CDH4: variants seen among roughly 807,000 people sequenced by gnomAD.
CDH4 encodes the protein cadherin-4.
A neutral mutation model predicts 86.0 loss-of-function variants in CDH4; 33 were observed. That is an observed-to-expected ratio of 0.38 (90% CI 0.29 to 0.51). The LOEUF (loss-of-function observed/expected upper bound fraction) is 0.51. CDH4 is among the 20% of genes least tolerant of loss of function. The pLI, the probability that CDH4 is intolerant of heterozygous loss-of-function variation, is 0.86. For missense variants in CDH4, 1,114 were observed against 1,307.4 expected (o/e 0.85, Z 2.28); for synonymous variants, 555 against 549.4 (o/e 1.01, Z -0.14).
rs1476412936 is a variant in CDH4, at chr20:61,862,411, C to G, written c.877+9513C>G. Among the ~76,000 whole-genome samples, 3 of 152,202 alleles carry G rather than the reference C, an allele frequency of 2.0e-5. No homozygotes were observed. The East Asian group carries it at 5.8e-4, about 29-fold the overall frequency. On this transcript the variant is annotated intron_variant, in intron 6 of 15. Transcript: ENST00000614565. Reference sequence around the variant, plus strand: ...AGGTGGACTCATTCTGCAAGATGGGCAGGAGTCCATGAGGACCTCCTTGGC... The same window carrying G: ...AGGTGGACTCATTCTGCAAGATGGGGAGGAGTCCATGAGGACCTCCTTGGC...
chr20:61,654,869 G>C (rs980041843), intron 2 of CDH4, among the ~76,000 whole-genome samples: 1 of 152,104 alleles, frequency 6.6e-6, no homozygotes, highest in African/African-American at 2.4e-5. Flanking sequence ...AGGGCCAGCT[G>C]CTCCTCTGAG....
chr20:61,618,501 G>A (rs1026855917), intron 2 of CDH4, among the ~76,000 whole-genome samples: 9 of 152,168 alleles, frequency 5.9e-5, no homozygotes, highest in African/African-American at 1.2e-4. Context: ...GGGCAGGAGC[G>A]GGCCCTTCCA....
chr20:61,473,245 A>G (rs1292104281), intron 2 of CDH4, among the ~76,000 whole-genome samples: 1 of 152,238 alleles, frequency 6.6e-6, no homozygotes, highest in African/African-American at 2.4e-5. Flanking sequence ...AGAAATTATG[A>G]GTATTCCTCA....
At chr20:61,869,453 C>T (rs1321087988) in intron 6 of CDH4, among the ~76,000 whole-genome samples, 1 of 152,230 alleles carries the variant, frequency 6.6e-6, no homozygotes, top group Non-Finnish European at 1.5e-5. Context: ...AAAGTGTCTG[C>T]TGGACCCTGG....
At chr20:61,528,886 G>T (rs1231078663) in intron 2 of CDH4, among the ~76,000 whole-genome samples, 3 of 148,578 alleles carry the variant, frequency 2.0e-5, no homozygotes, top group Non-Finnish European at 4.5e-5. Context: ...CACCGCCCTT[G>T]TCCCTTATTA....
At chr20:61,771,145 G>C (rs958671808) in intron 3 of CDH4, among the ~76,000 whole-genome samples, 1 of 151,000 alleles carries the variant, frequency 6.6e-6, no homozygotes, top group Non-Finnish European at 1.5e-5. Context: ...TAAGTAACTG[G>C]GACTACAGGC....
At chr20:61,722,010 A>G (rs555450784) in intron 2 of CDH4, among the ~76,000 whole-genome samples, 2 of 152,060 alleles carry the variant, frequency 1.3e-5, no homozygotes, top group East Asian at 1.9e-4. Flanking sequence ...AAACCTCACA[A>G]CCTCCACCTT....
At chr20:61,580,376 C>T (rs1021609558) in intron 2 of CDH4, among the ~76,000 whole-genome samples, 1 of 152,028 alleles carries the variant, frequency 6.6e-6, no homozygotes, top group Non-Finnish European at 1.5e-5. Context: ...AATTGCTGGC[C>T]ACCCGGGAGG....
chr20:61,344,877 G>C (rs2084668908), intron 2 of CDH4, among the ~76,000 whole-genome samples: 3 of 152,176 alleles, frequency 2.0e-5, no homozygotes, highest in Non-Finnish European at 4.4e-5. Flanking sequence ...CAGAATTATA[G>C]AACACTTCCT....
At chr20:61,761,707 A>G (rs2088634851) in intron 3 of CDH4, among the ~76,000 whole-genome samples, 1 of 152,136 alleles carries the variant, frequency 6.6e-6, no homozygotes, top group Admixed American at 6.6e-5. Context: ...CAGAGGGGTG[A>G]GCGCGGATTT....
chr20:61,660,419 G>A (rs562939532), intron 2 of CDH4, among the ~76,000 whole-genome samples: 13 of 152,330 alleles, frequency 8.5e-5, no homozygotes, highest in African/African-American at 2.6e-4. Flanking sequence ...AAAATGCCTC[G>A]AAGTGTTCAT....
At chr20:61,546,369 TA>T (rs1300137550) in intron 2 of CDH4, among the ~76,000 whole-genome samples, 1 of 150,536 alleles carries the variant, frequency 6.6e-6, no homozygotes, top group Non-Finnish European at 1.5e-5. Context: ...CATGTGGGTG[TA>T]GGGGTGAGGT....
At chr20:61,820,484 C>T (rs904508157) in intron 4 of CDH4, among the ~76,000 whole-genome samples, 39 of 152,354 alleles carry the variant, frequency 2.6e-4, no homozygotes, top group Admixed American at 2.5e-3. Context: ...CCCAAGGAGG[C>T]TCCTCAGCAG....
chr20:61,475,298 A>C (rs1600701795), intron 2 of CDH4, among the ~76,000 whole-genome samples: 1 of 151,358 alleles, frequency 6.6e-6, no homozygotes, highest in African/African-American at 2.4e-5. Flanking sequence ...TACCAACCCC[A>C]GCCCCCTCCA....
rs140063888 is a variant in CDH4 at position 61,936,829 on chromosome 20, C to T, written c.2637C>T (p.Ser879=). Residue 879 remains serine (S), a synonymous_variant, in exon 16 of 16, where the codon TCC becomes TCT. Coordinates refer to ENST00000614565, the MANE Select transcript of CDH4 (RefSeq NM_001794.5). ...DYEGSGSTAG[S]VSSLNSSSSG... ...AGGGGAGCGGCTCCACCGCAGGCTC[C>T]GTCAGCTCCCTGAACTCATCCAGTT... is the stretch of plus-strand genomic sequence containing the variant. 1.4e-3 allele frequency: 2,207 copies of T among 1,610,684 alleles called. 1 individual carries two copies. Among genetic ancestry groups the T allele is most frequent in the Non-Finnish European group, 1.7e-3 (1,988 of 1,179,184 alleles).
chr20:61,740,087 G>A (rs2088315505), intron 2 of CDH4, among the ~76,000 whole-genome samples: 1 of 152,202 alleles, frequency 6.6e-6, no homozygotes, highest in African/African-American at 2.4e-5. Flanking sequence ...GCAAAAGGAA[G>A]GAAGCAGGTT....
chr20:61,791,419 T>G (rs1285455258), intron 4 of CDH4, among the ~76,000 whole-genome samples: 1 of 152,236 alleles, frequency 6.6e-6, no homozygotes, highest in Non-Finnish European at 1.5e-5. Flanking sequence ...GAGGAAATGT[T>G]AGGTTTTTCT....
chr20:61,545,846 G>A (rs939516223), intron 2 of CDH4, among the ~76,000 whole-genome samples: 1 of 151,030 alleles, frequency 6.6e-6, no homozygotes, highest in African/African-American at 2.4e-5. Flanking sequence ...GTGTGTGGAG[G>A]GGTATGTGTG....
intron 6 of CDH4, among the ~76,000 whole-genome samples, chr20:61,863,572 G>A (rs1331596530): frequency 1.3e-5 from 2 of 152,068 alleles, no homozygotes; most frequent in African/African-American, 4.8e-5. Flanking sequence ...TCTGTGGAAC[G>A]GAGCCCTGCA....
Sources: gnomAD v4.1 joint callset for allele counts (sites outside exome capture counted in the v4.1 genomes callset) on GRCh38, gnomAD v4.1.1 for gene constraint, MANE v1.5 for transcripts, NCBI Gene and HGNC (gene_info 2026-07-23, HGNC 2026-07-21) for gene names.